Variants in GFRAL observed in about 807,000 individuals in gnomAD.
GFRAL encodes GDNF family receptor alpha like.
A neutral mutation model predicts 45.4 loss-of-function variants in GFRAL; 36 were observed. The observed-to-expected ratio is 0.79, with a 90% CI of 0.61 to 1.05. The LOEUF (loss-of-function observed/expected upper bound fraction) is 1.05, where lower values mean the gene tolerates loss of function less well. Ranked by LOEUF, GFRAL falls within the 50% of genes least tolerant of loss-of-function variation. The pLI, the probability that GFRAL is intolerant of heterozygous loss-of-function variation, is 0.00. For missense variants in GFRAL, 507 were observed against 467.5 expected (o/e 1.08, Z -0.78); for synonymous variants, 166 against 154.1 (o/e 1.08, Z -0.57).
At chr6:55,394,961 T>C (rs1211826503) in intron 6 of GFRAL, among the ~76,000 whole-genome samples, 1 of 151,872 alleles carries the variant, frequency 6.6e-6, no homozygotes, top group Non-Finnish European at 1.5e-5. Context: ...AGAAATCCCA[T>C]ATTTTATCCT....
chr6:55,329,698 A>G (rs1767806658), intron 1 of GFRAL, among the ~76,000 whole-genome samples: 1 of 152,032 alleles, frequency 6.6e-6, no homozygotes, highest in East Asian at 1.9e-4. Flanking sequence ...TGATATGTCC[A>G]TTTCCACTCC....
At chr6:55,366,697 T>C (rs1413019288) in intron 6 of GFRAL, among the ~76,000 whole-genome samples, 2 of 101,766 alleles carry the variant, frequency 2.0e-5, no homozygotes, top group Non-Finnish European at 1.9e-5. Flanking sequence ...TTTCGTTATG[T>C]ACCCAGTAGT....
intron 6 of GFRAL, among the ~76,000 whole-genome samples, chr6:55,359,964 A>G (rs878855913): frequency 6.6e-6 from 1 of 151,954 alleles, no homozygotes; most frequent in Admixed American, 6.6e-5. Context: ...TTCACTCTTC[A>G]ATTTAGTTTT....
intron 6 of GFRAL, among the ~76,000 whole-genome samples, chr6:55,395,173 A>AT (rs35935725): frequency 0.086 from 8,902 of 103,162 alleles, 370 homozygotes; most frequent in Non-Finnish European, 0.1. Context: ...AAAAAAAAAA[A>AT]AAATATATAT....
chr6:55,348,263 T>A (rs1254233070), intron 3 of GFRAL, among the ~76,000 whole-genome samples: 1 of 152,052 alleles, frequency 6.6e-6, no homozygotes, highest in Admixed American at 6.6e-5. Flanking sequence ...TGTGTGTATG[T>A]GTAAATGCTA....
At chr6:55,328,521 G>C (rs552252712) in intron 1 of GFRAL, among the ~76,000 whole-genome samples, 1 of 151,586 alleles carries the variant, frequency 6.6e-6, no homozygotes, top group African/African-American at 2.4e-5. Context: ...TTTTTCTTTT[G>C]TTTAAGTAAT....
chr6:55,368,397 G>A (rs9475270), intron 6 of GFRAL, among the ~76,000 whole-genome samples: 16,942 of 151,174 alleles, frequency 0.11, 1,011 homozygotes, highest in African/African-American at 0.16. Context: ...ATGTCCTCCC[G>A]TAGCTCAGAG....
chr6:55,396,319 T>C (rs921141776), intron 6 of GFRAL, among the ~76,000 whole-genome samples: 1 of 152,214 alleles, frequency 6.6e-6, no homozygotes, highest in African/African-American at 2.4e-5. Context: ...GAGATGATTC[T>C]TTCTAAACTC....
At chr6:55,360,219 C>A (rs548728522) in intron 6 of GFRAL, among the ~76,000 whole-genome samples, 1 of 151,902 alleles carries the variant, frequency 6.6e-6, no homozygotes, top group Non-Finnish European at 1.5e-5. Flanking sequence ...CAGGGTTAGA[C>A]CATGCAACCT....
chr6:55,391,648 G>T (rs1474083346), intron 6 of GFRAL, among the ~76,000 whole-genome samples: 2 of 152,202 alleles, frequency 1.3e-5, no homozygotes, highest in African/African-American at 2.4e-5. Flanking sequence ...TACTCAGGAG[G>T]CTGAGACAGG....
chr6:55,394,665 G>A (rs1402642548), intron 6 of GFRAL, among the ~76,000 whole-genome samples: 3 of 152,034 alleles, frequency 2.0e-5, no homozygotes, highest in Non-Finnish European at 4.4e-5. Context: ...TTTTCAAGAT[G>A]GCTTGAAAAT....
Position 55,351,398 on chromosome 6 carries a change from GTTC to G in GFRAL, c.521_523del (p.Phe174del). ...TGAAACAGTGCCAAGCAGCCATACGGTTCTTCTATCAAAATATACCTTTTAACA... is the reference window on the plus strand; with the variant it reads ...TGAAACAGTGCCAAGCAGCCATACGGTTCTATCAAAATATACCTTTTAACA... On this transcript the variant is annotated inframe_deletion, in exon 5 of 9. Transcript: ENST00000340465. 1 of 1,613,718 alleles carries G rather than the reference GTTC, an allele frequency of 6.2e-7. No homozygotes were observed. The highest frequency in any genetic ancestry group is 8.5e-7 in the Non-Finnish European group (1 of 1,179,794).
At chr6:55,380,020 T>TCTAA (rs1383966996) in intron 6 of GFRAL, among the ~76,000 whole-genome samples, 22 of 151,990 alleles carry the variant, frequency 1.4e-4, no homozygotes, top group Admixed American at 1.1e-3. Context: ...GCATTGTGTA[T>TCTAA]GTATATCACA....
chr6:55,342,945 G>T (rs1446712371), intron 3 of GFRAL, among the ~76,000 whole-genome samples: 2 of 152,088 alleles, frequency 1.3e-5, no homozygotes, highest in East Asian at 1.9e-4. Flanking sequence ...ATTACATAAT[G>T]GTAAAGGGAT....
intron 6 of GFRAL, among the ~76,000 whole-genome samples, chr6:55,372,073 C>T (rs1032016558): frequency 6.6e-6 from 1 of 152,172 alleles, no homozygotes; most frequent in African/African-American, 2.4e-5. Context: ...AGGTCCTTGT[C>T]TTATTTGGAT....
chr6:55,345,577 C>T (rs558631940), intron 3 of GFRAL, among the ~76,000 whole-genome samples: 1 of 152,008 alleles, frequency 6.6e-6, no homozygotes, highest in African/African-American at 2.4e-5. Flanking sequence ...GTTAGACCTA[C>T]AACCATAAAA....
chr6:55,363,984 C>A (rs2127358642), intron 6 of GFRAL, among the ~76,000 whole-genome samples: 1 of 147,098 alleles, frequency 6.8e-6, no homozygotes, highest in South Asian at 2.2e-4. Context: ...AATGGTATTT[C>A]CAGTTCTAGA....
chr6:55,402,100 C>G lies in GFRAL; in HGVS notation c.*247C>G, dbSNP rs2127368583. 3.2e-6 allele frequency: 1 copy of G among 314,658 alleles called. No individual in the cohort carries two copies. Among genetic ancestry groups the G allele is most frequent in the African/African-American group, 2.2e-5 (1 of 45,362 alleles). 19.5% of individuals were successfully genotyped at this position (314,658 alleles called of 1,614,324 possible). Reference sequence around the variant, plus strand: ...CAAGTGATTTTCCTGCCTCAGCCTTCCCGAGTAGCTGGGATTACAGGTACC... The same window carrying G: ...CAAGTGATTTTCCTGCCTCAGCCTTGCCGAGTAGCTGGGATTACAGGTACC... On this transcript the variant is annotated 3_prime_UTR_variant, in exon 9 of 9. Transcript: ENST00000340465.
chr6:55,372,443 C>G (rs1161315919), intron 6 of GFRAL, among the ~76,000 whole-genome samples: 2 of 152,140 alleles, frequency 1.3e-5, no homozygotes, highest in East Asian at 3.9e-4. Context: ...TCCAGAAGCT[C>G]AGTGGCTTTA....
Sources: gnomAD v4.1 joint callset for allele counts (sites outside exome capture counted in the v4.1 genomes callset) on GRCh38, gnomAD v4.1.1 for gene constraint, MANE v1.5 for transcripts, NCBI Gene and HGNC (gene_info 2026-07-23, HGNC 2026-07-21) for gene names.